PRKG1: variants seen among roughly 807,000 people sequenced by gnomAD.
PRKG1 encodes cGMP-dependent protein kinase 1.
In PRKG1, 35 loss-of-function variants were observed where a neutral mutation model predicts 88.1. The ratio of observed to expected loss-of-function variants is 0.40; its 90% confidence interval spans 0.30 to 0.53. The LOEUF (loss-of-function observed/expected upper bound fraction) is 0.53. Among genes scored for constraint, PRKG1 ranks in the 20% least tolerant of loss-of-function variants. PRKG1 has a pLI of 0.59. For synonymous variants in PRKG1, 303 were observed against 292.5 expected (o/e 1.04, Z -0.37); for missense variants, 540 against 839.8 (o/e 0.64, Z 4.41).
intron 3 of PRKG1, among the ~76,000 whole-genome samples, chr10:51,691,781 T>A (rs1034717359): frequency 1.3e-5 from 2 of 152,206 alleles, no homozygotes; most frequent in East Asian, 3.9e-4. Context: ...TCTACAGGCA[T>A]TTAAGTTCAA....
At chr10:52,222,208 A>G (rs572763035) in intron 9 of PRKG1, among the ~76,000 whole-genome samples, 2 of 152,090 alleles carry the variant, frequency 1.3e-5, no homozygotes, top group African/African-American at 4.8e-5. Flanking sequence ...CCATCAGAGT[A>G]GTTCACCCAT....
intron 7 of PRKG1, among the ~76,000 whole-genome samples, chr10:52,069,286 G>A (rs11000684): frequency 2.0e-5 from 3 of 151,826 alleles, no homozygotes; most frequent in Non-Finnish European, 2.9e-5. Context: ...ATCCCAGCAC[G>A]TTGGTAGGCT....
chr10:51,975,208 AAGTAAT>A, intron 5 of PRKG1, among the ~76,000 whole-genome samples: 1 of 152,106 alleles, frequency 6.6e-6, no homozygotes, highest in East Asian at 1.9e-4. Context: ...CAGAGATACT[AAGTAAT>A]TTGCCCAGGG....
At chr10:51,020,227 C>T (rs1172021130) in intron 1 of PRKG1, among the ~76,000 whole-genome samples, 2 of 152,062 alleles carry the variant, frequency 1.3e-5, no homozygotes, top group Non-Finnish European at 2.9e-5. Flanking sequence ...ATCTTGAACT[C>T]CTGAGTTTAA....
chr10:51,834,527 G>C (rs1840078622), intron 4 of PRKG1, among the ~76,000 whole-genome samples: 1 of 151,938 alleles, frequency 6.6e-6, no homozygotes, highest in Non-Finnish European at 1.5e-5. Flanking sequence ...TGTAGTCCCA[G>C]CTACTTGGAA....
chr10:51,413,032 G>T (rs1234032534), intron 2 of PRKG1, among the ~76,000 whole-genome samples: 1 of 152,198 alleles, frequency 6.6e-6, no homozygotes, highest in Non-Finnish European at 1.5e-5. Context: ...ACTTGGAAAA[G>T]ACATTTTGAA....
At chr10:51,055,589 A>T (rs1007260905) in intron 1 of PRKG1, among the ~76,000 whole-genome samples, 3 of 151,932 alleles carry the variant, frequency 2.0e-5, no homozygotes, top group South Asian at 2.1e-4. Flanking sequence ...AAAAAAAAAA[A>T]TTAGCTGGGA....
chr10:51,475,355 A>AT (rs1840161053), intron 3 of PRKG1, among the ~76,000 whole-genome samples: 1 of 151,924 alleles, frequency 6.6e-6, no homozygotes, highest in Admixed American at 6.6e-5. Context: ...GCTCTACTGA[A>AT]AGGAAATTTT....
chr10:51,399,307 T>C (rs796979600), intron 2 of PRKG1, among the ~76,000 whole-genome samples: 5 of 152,160 alleles, frequency 3.3e-5, no homozygotes, highest in Non-Finnish European at 7.3e-5. Flanking sequence ...CCCAGAGAAA[T>C]TGGAGAAATC....
intron 2 of PRKG1, among the ~76,000 whole-genome samples, chr10:51,347,995 G>A (rs950552229): frequency 8.6e-5 from 13 of 151,968 alleles, no homozygotes; most frequent in African/African-American, 2.2e-4. Flanking sequence ...CCCGGGAGGC[G>A]GAGCTTGCAG....
intron 2 of PRKG1, among the ~76,000 whole-genome samples, chr10:51,315,215 A>C (rs149753378): frequency 2.0e-5 from 3 of 152,304 alleles, no homozygotes; most frequent in African/African-American, 7.2e-5. Context: ...AAAAAAAGAA[A>C]CAGTCATCAC....
At chr10:51,874,638 T>C (rs12780759) in intron 4 of PRKG1, among the ~76,000 whole-genome samples, 35,911 of 152,014 alleles carry the variant, frequency 0.24, 4,585 homozygotes, top group Non-Finnish European at 0.28. Flanking sequence ...GAAGAAGACA[T>C]CTGAGTTAAG....
intron 3 of PRKG1, among the ~76,000 whole-genome samples, chr10:51,758,378 A>G (rs1308920346): frequency 6.6e-6 from 1 of 152,250 alleles, no homozygotes; most frequent in Non-Finnish European, 1.5e-5. Context: ...CTTATTATAA[A>G]TGAAATAACC....
intron 1 of PRKG1, among the ~76,000 whole-genome samples, chr10:51,031,764 C>G (rs1431275300): frequency 6.6e-6 from 1 of 152,168 alleles, no homozygotes; most frequent in Non-Finnish European, 1.5e-5. Context: ...TTCCCATGCT[C>G]TTTTCTTGTT....
chr10:52,263,766 G>A (rs1033061838), intron 10 of PRKG1, among the ~76,000 whole-genome samples: 8 of 151,774 alleles, frequency 5.3e-5, no homozygotes, highest in African/African-American at 1.7e-4. Flanking sequence ...GTAGAGACAT[G>A]GCCATGTTGC....
intron 3 of PRKG1, among the ~76,000 whole-genome samples, chr10:51,784,773 T>C (rs545878403): frequency 3.0e-4 from 45 of 152,272 alleles, no homozygotes; most frequent in African/African-American, 1.1e-3. Flanking sequence ...AATATGACTC[T>C]ATGGTTTCAT....
chr10:52,149,934 G>A (rs924646592), intron 8 of PRKG1, among the ~76,000 whole-genome samples: 9 of 151,950 alleles, frequency 5.9e-5, no homozygotes, highest in Non-Finnish European at 1.0e-4. Context: ...AATCACTTGA[G>A]GTCAGGAGTT....
At chr10:52,090,976 G>A (rs1041752132) in intron 7 of PRKG1, among the ~76,000 whole-genome samples, 1 of 152,014 alleles carries the variant, frequency 6.6e-6, no homozygotes, top group African/African-American at 2.4e-5. Context: ...GTTTTCTATT[G>A]CTGCATAACA....
chr10:51,000,403 A>G (rs189551218), intron 1 of PRKG1, among the ~76,000 whole-genome samples: 8 of 152,306 alleles, frequency 5.3e-5, no homozygotes, highest in Middle Eastern at 3.4e-3. Context: ...TATCTTGTGA[A>G]TCACTGCAGA....
Sources: gnomAD v4.1 joint callset for allele counts (sites outside exome capture counted in the v4.1 genomes callset) on GRCh38, gnomAD v4.1.1 for gene constraint, MANE v1.5 for transcripts, NCBI Gene and HGNC (gene_info 2026-07-23, HGNC 2026-07-21) for gene names.